Variants in HLF observed in about 807,000 individuals in gnomAD.
The protein encoded by HLF is HLF transcription factor, PAR bZIP family member.
A neutral mutation model predicts 22.6 loss-of-function variants in HLF; 3 were observed. The observed-to-expected ratio is 0.13, with a 90% CI of 0.06 to 0.34. The LOEUF is 0.34. Ranked by LOEUF, HLF falls within the 10% of genes least tolerant of loss-of-function variation. The pLI is 1.00. For synonymous variants in HLF, 151 were observed against 151.8 expected, an observed-to-expected ratio of 0.99 and a Z score of 0.04; for missense variants, 299 against 389.2, an observed-to-expected ratio of 0.77 and a Z score of 1.95.
chr17:55,267,711 C>G (rs777681481), intron 1 of HLF, 40 bp from the exon 2 acceptor site: 1 of 1,412,330 alleles, frequency 7.1e-7, no homozygotes, highest in Non-Finnish European at 9.6e-7. Flanking sequence ...TTTTTCTTTT[C>G]TTTCTTTTTT....
chr17:55,281,844 T>C (rs1418894657), intron 2 of HLF, among the ~76,000 whole-genome samples: 4 of 152,180 alleles, frequency 2.6e-5, no homozygotes, highest in African/African-American at 9.6e-5. Flanking sequence ...TGGGCATATC[T>C]CAGTGGCCAA....
At chr17:55,268,127 A>G in intron 2 of HLF, 41 bp downstream of exon 2, 1 of 1,392,680 alleles carries the variant, frequency 7.2e-7, no homozygotes, top group Non-Finnish European at 9.8e-7. Context: ...AGGGAGGAGG[A>G]GGGTGAATGG....
At chr17:55,269,163 G>A (rs2080827534) in intron 2 of HLF, among the ~76,000 whole-genome samples, 1 of 152,136 alleles carries the variant, frequency 6.6e-6, no homozygotes, top group Non-Finnish European at 1.5e-5. Context: ...AGATTTAAAT[G>A]GAAGGAAATG....
chr17:55,313,359 C>CGTGTGT (rs58593405), intron 2 of HLF, among the ~76,000 whole-genome samples: 18,032 of 147,154 alleles, frequency 0.12, 1,240 homozygotes, highest in Non-Finnish European at 0.16. Context: ...GAGGTGTGTG[C>CGTGTGT]GTGTGTGTGT....
chr17:55,308,132 A>G (rs994940733), intron 2 of HLF, among the ~76,000 whole-genome samples: 4 of 152,174 alleles, frequency 2.6e-5, no homozygotes, highest in African/African-American at 9.7e-5. Context: ...GGAGGGTTTG[A>G]TATGGAGATG....
intron 3 of HLF, among the ~76,000 whole-genome samples, chr17:55,319,749 C>T (rs1308090464): frequency 6.6e-6 from 1 of 151,484 alleles, no homozygotes. Flanking sequence ...TTTTTAATTA[C>T]CAAAGTGTAT....
At chr17:55,270,404 T>C (rs1283665420) in intron 2 of HLF, among the ~76,000 whole-genome samples, 1 of 152,176 alleles carries the variant, frequency 6.6e-6, no homozygotes, top group Non-Finnish European at 1.5e-5. Flanking sequence ...ATTATAAAGA[T>C]GCAAAATAAA....
intron 3 of HLF, among the ~76,000 whole-genome samples, chr17:55,317,599 T>A (rs1052348432): frequency 6.6e-6 from 1 of 152,192 alleles, no homozygotes; most frequent in African/African-American, 2.4e-5. Context: ...TATTTTTTAG[T>A]TGTGGACGAA....
At position 55,322,538 on chromosome 17, in the gene HLF, G is replaced by A. The variant is rs1312387214; in HGVS notation, c.*1659G>A. 4.7e-6 allele frequency: 1 copy of A among 214,284 alleles called. No individual in the cohort carries two copies. The highest frequency in any genetic ancestry group is 9.5e-6 in the Non-Finnish European group (1 of 105,742). The allele number at this position is 214,284 out of a possible 1,614,324, so 13.3% of individuals were successfully genotyped here. A position where few individuals can be genotyped will look rare whatever the true frequency, so the allele number is the denominator to read the frequency against. On this transcript the variant is annotated 3_prime_UTR_variant, in exon 4 of 4. Transcript: ENST00000226067. ...TCACTGACACATCAGCATGTTTTCT[G>A]CTTTAAATTAAAATTTTATGACAGT...
At chr17:55,293,242 A>G (rs2081081570) in intron 2 of HLF, among the ~76,000 whole-genome samples, 1 of 132,436 alleles carries the variant, frequency 7.6e-6, no homozygotes, top group Admixed American at 7.8e-5. Flanking sequence ...CTATATTAAT[A>G]TATACATTTT....
chr17:55,281,303 C>T (rs1457116284), intron 2 of HLF, among the ~76,000 whole-genome samples: 1 of 152,152 alleles, frequency 6.6e-6, no homozygotes, highest in East Asian at 1.9e-4. Context: ...CACTTGAGGT[C>T]AGGAGCTCGA....
rs2080773940 is a variant in HLF at position 55,264,991 on chromosome 17, C to G, written c.-494C>G. 6.0e-6 allele frequency: 1 copy of G among 166,368 alleles called. No individual in the cohort carries two copies. Among genetic ancestry groups the G allele is most frequent in the Non-Finnish European group, 1.3e-5 (1 of 78,224 alleles). The allele number at this position is 166,368 out of a possible 1,614,324, so 10.3% of individuals were successfully genotyped here. ...GTCAGGGCCGCGGCACATGGGCGGC[C>G]GGATGCGCTGAGCCCGGCGCTGCGG... On this transcript the variant is annotated 5_prime_UTR_variant, in exon 1 of 4. Coordinates refer to ENST00000226067, the MANE Select transcript of HLF (RefSeq NM_002126.5).
rs1345502054 is a variant in HLF, at chr17:55,322,052, A to G, written c.*1173A>G. On this transcript the variant is annotated 3_prime_UTR_variant, in exon 4 of 4. Coordinates refer to ENST00000226067, the MANE Select transcript of HLF (RefSeq NM_002126.5). ...TTAAGTTAATAAGTTGATGTTTTCT[A>G]AGGCCCTTTTTCCTAGTGGTGTCAT... 3 of 213,108 alleles carry G rather than the reference A, an allele frequency of 1.4e-5. No individual in the cohort carries two copies. The highest frequency in any genetic ancestry group is 2.9e-5 in the Non-Finnish European group (3 of 105,226). 13.2% of individuals were successfully genotyped at this position (213,108 alleles called of 1,614,324 possible). A position where few individuals can be genotyped will look rare whatever the true frequency, so the allele number is the denominator to read the frequency against.
intron 2 of HLF, among the ~76,000 whole-genome samples, chr17:55,277,745 C>T (rs966138320): frequency 6.6e-6 from 1 of 152,108 alleles, no homozygotes; most frequent in African/African-American, 2.4e-5. Context: ...ATAACCCAAT[C>T]TAGTTCACTT....
chr17:55,273,431 T>C (rs2080876061), intron 2 of HLF: 1 of 152,230 alleles, frequency 6.6e-6, no homozygotes. Flanking sequence ...GGGATTTATT[T>C]ATCCAGTCCC....
chr17:55,272,166 A>G (rs1317683125), intron 2 of HLF: 1 of 152,192 alleles, frequency 6.6e-6, no homozygotes, highest in Non-Finnish European at 1.5e-5. Context: ...TGATGACTTC[A>G]ATGTTTGCAT....
rs577463774 is a variant in HLF at position 55,323,389 on chromosome 17, T to G, written c.*2510T>G. On this transcript the variant is annotated 3_prime_UTR_variant, in exon 4 of 4. Transcript: ENST00000226067. ...GGAGAATTGTGGAAGGATTGTAACA[T>G]GGACCATCCAAATTTATGGCCGTAT... 1 of 215,946 alleles carries G rather than the reference T, an allele frequency of 4.6e-6. No homozygotes were observed. The highest frequency in any genetic ancestry group is 5.8e-5 in the Admixed American group (1 of 17,152). 13.4% of individuals were successfully genotyped at this position (215,946 alleles called of 1,614,324 possible).
rs1238714886 is a variant in HLF at position 55,323,610 on chromosome 17, G to T, written c.*2731G>T. The T allele has an allele frequency of 4.0e-5, 9 of 227,234 alleles. No individual in the cohort carries two copies. The highest frequency in any genetic ancestry group is 2.6e-5 in the Non-Finnish European group (3 of 114,136). 14.1% of individuals were successfully genotyped at this position (227,234 alleles called of 1,614,324 possible). A position where few individuals can be genotyped will look rare whatever the true frequency, so the allele number is the denominator to read the frequency against. On this transcript the variant is annotated 3_prime_UTR_variant, in exon 4 of 4. Coordinates refer to ENST00000226067, the MANE Select transcript of HLF (RefSeq NM_002126.5). ...TTTAAACACTTTGGAGTCTGTACAG[G>T]TGCCTTATATGTAGGTCATTGTCAC...
At chr17:55,317,119 C>A (rs1428142844) in intron 3 of HLF, among the ~76,000 whole-genome samples, 1 of 152,054 alleles carries the variant, frequency 6.6e-6, no homozygotes, top group East Asian at 1.9e-4. Context: ...AGGCGCACGC[C>A]ACCACGCCCG....
Sources: gnomAD v4.1 joint callset for allele counts (sites outside exome capture counted in the v4.1 genomes callset) on GRCh38, gnomAD v4.1.1 for gene constraint, MANE v1.5 for transcripts, NCBI Gene and HGNC (gene_info 2026-07-23, HGNC 2026-07-21) for gene names.